Variants in UBE4B observed in about 807,000 individuals in gnomAD.
UBE4B encodes the protein ubiquitination factor E4B, also known as ubiquitin conjugation factor E4 B.
Under a neutral mutation model 148.1 loss-of-function variants are expected in UBE4B, and 27 were observed. The observed-to-expected ratio is 0.18, with a 90% CI of 0.13 to 0.25. UBE4B has a LOEUF of 0.25. Among genes scored for constraint, UBE4B ranks in the 10% least tolerant of loss-of-function variants. The pLI, the probability that UBE4B is intolerant of heterozygous loss-of-function variation, is 1.00. For missense variants in UBE4B, 1,170 were observed against 1,662.4 expected, an observed-to-expected ratio of 0.70 and a Z score of 5.15; for synonymous variants, 596 against 619.3, an observed-to-expected ratio of 0.96 and a Z score of 0.56.
At chr1:10,091,662 G>A (rs1644850297) in intron 2 of UBE4B, among the ~76,000 whole-genome samples, 1 of 152,076 alleles carries the variant, frequency 6.6e-6, no homozygotes, top group Admixed American at 6.6e-5. Context: ...CCGCAGTGCA[G>A]TGGTGCGATC....
At chr1:10,044,528 C>G (rs1457749163) in intron 1 of UBE4B, among the ~76,000 whole-genome samples, 1 of 151,966 alleles carries the variant, frequency 6.6e-6, no homozygotes, top group Non-Finnish European at 1.5e-5. Flanking sequence ...TGTGCTCCTT[C>G]CTTCCTTACC....
In UBE4B at chr1:10,135,692, C is replaced by T. The variant is rs779005065; in HGVS notation, c.2224+506C>T. On this transcript the variant is annotated intron_variant, in intron 16 of 27. Coordinates refer to ENST00000343090, the MANE Select transcript of UBE4B (RefSeq NM_001105562.3). Reference sequence around the variant, plus strand: ...CTGAGCTTGCAGTGAGCCATGATCACGGCACTGCACTCCAGCCTGGGCAAC... The same window carrying T: ...CTGAGCTTGCAGTGAGCCATGATCATGGCACTGCACTCCAGCCTGGGCAAC... Among the ~76,000 whole-genome samples the T allele has an allele frequency of 6.7e-5, 9 of 134,182 alleles. No homozygotes were observed. The South Asian group carries it at 1.2e-3, about 18-fold the overall frequency. The allele number at this position is 134,182 out of a possible 152,430, so 88.0% of individuals were successfully genotyped here. A position where few individuals can be genotyped will look rare whatever the true frequency, so the allele number is the denominator to read the frequency against.
chr1:10,112,597 A>G (rs1325975861), intron 7 of UBE4B, among the ~76,000 whole-genome samples: 1 of 152,064 alleles, frequency 6.6e-6, no homozygotes, highest in Admixed American at 6.5e-5. Context: ...ACAGGATTTT[A>G]TCACATTGGC....
At chr1:10,065,740 A>T (rs934569531) in intron 1 of UBE4B, among the ~76,000 whole-genome samples, 11 of 152,166 alleles carry the variant, frequency 7.2e-5, no homozygotes, top group African/African-American at 2.4e-4. Flanking sequence ...AATGGTTTTC[A>T]TTCTTTTCAT....
intron 3 of UBE4B, among the ~76,000 whole-genome samples, chr1:10,097,031 T>C (rs1212947041): frequency 1.4e-5 from 2 of 144,792 alleles, no homozygotes; most frequent in Non-Finnish European, 3.0e-5. Flanking sequence ...AGAGTAAGAC[T>C]CTGCATCAAA....
At chr1:10,048,373 G>C (rs146001182) in intron 1 of UBE4B, among the ~76,000 whole-genome samples, 10 of 152,262 alleles carry the variant, frequency 6.6e-5, no homozygotes, top group Middle Eastern at 3.4e-3. Flanking sequence ...TGCAGTTCTT[G>C]GGGGAGGTTG....
At chr1:10,094,583 G>A (rs1398233124) in intron 2 of UBE4B, among the ~76,000 whole-genome samples, 11 of 149,956 alleles carry the variant, frequency 7.3e-5, no homozygotes, top group East Asian at 2.0e-4. Context: ...ACAGGCGCCC[G>A]CCACCACGCC....
chr1:10,104,364 T>C (rs2101891723), intron 5 of UBE4B, among the ~76,000 whole-genome samples: 1 of 152,188 alleles, frequency 6.6e-6, no homozygotes, highest in South Asian at 2.1e-4. Flanking sequence ...GTATGGGAGG[T>C]GTGCTGGAGT....
intron 10 of UBE4B, among the ~76,000 whole-genome samples, chr1:10,123,204 A>T (rs1645437492): frequency 6.6e-6 from 1 of 152,080 alleles, no homozygotes; most frequent in South Asian, 2.1e-4. Flanking sequence ...GCTGAGGCGG[A>T]TGGATCGCCT....
chr1:10,135,559 AAACCCCATC>A (rs1645666961), intron 16 of UBE4B, among the ~76,000 whole-genome samples: 2 of 152,172 alleles, frequency 1.3e-5, no homozygotes, highest in African/African-American at 4.8e-5. Context: ...CACCATGGTG[AAACCCCATC>A]TCTACTAAAA....
intron 25 of UBE4B, among the ~76,000 whole-genome samples, chr1:10,175,467 C>A (rs188532332): frequency 2.7e-5 from 4 of 149,812 alleles, no homozygotes; most frequent in African/African-American, 1.0e-4. Flanking sequence ...CTGGCTAACA[C>A]GGTGAAACCC....
chr1:10,174,184 A>G (rs1302285532), intron 25 of UBE4B, among the ~76,000 whole-genome samples: 4 of 151,972 alleles, frequency 2.6e-5, no homozygotes. Context: ...TCATGAGGTC[A>G]GGAGTTCGAG....
chr1:10,153,745 C>G (rs1044894086), intron 21 of UBE4B, among the ~76,000 whole-genome samples: 2 of 151,796 alleles, frequency 1.3e-5, no homozygotes, highest in African/African-American at 2.4e-5. Context: ...GTCAAGAGAT[C>G]GAGATGAGCC....
At chr1:10,052,069 A>ATT (rs1276080376) in intron 1 of UBE4B, among the ~76,000 whole-genome samples, 20 of 142,046 alleles carry the variant, frequency 1.4e-4, no homozygotes, top group East Asian at 1.0e-3. Flanking sequence ...TAATAGTGTC[A>ATT]TTTTTTTTTT....
chr1:10,110,729 A>G lies in UBE4B; in HGVS notation c.1196+4146A>G, dbSNP rs563673770. On this transcript the variant is annotated intron_variant, in intron 7 of 27. Transcript: ENST00000343090. Reference sequence around the variant, plus strand: ...TCAAATCTTGAATGTCACAAGCCTTATATGAGTAGAGAAAGGGAAAATTAG... The same window carrying G: ...TCAAATCTTGAATGTCACAAGCCTTGTATGAGTAGAGAAAGGGAAAATTAG... Among the ~76,000 whole-genome samples, 6 of 152,284 alleles carry G rather than the reference A, an allele frequency of 3.9e-5. 2 individuals are homozygous for G. Among genetic ancestry groups the G allele is most frequent in the African/African-American group, 1.4e-4 (6 of 41,564 alleles).
At chr1:10,125,720 G>A (rs1300589442) in intron 10 of UBE4B, among the ~76,000 whole-genome samples, 1 of 152,188 alleles carries the variant, frequency 6.6e-6, no homozygotes, top group African/African-American at 2.4e-5. Context: ...TGCTTGCATT[G>A]TGAAATTTGA....
At position 10,043,675 on chromosome 1, in the gene UBE4B, G is replaced by A. The variant is rs113452335; in HGVS notation, c.24+9981G>A. ...GAGCTCCTGACCTCGTGATCCACCCGCCTCAGCCTCCCAAAGTGCTGGGAT... is the reference window on the plus strand; with the variant it reads ...GAGCTCCTGACCTCGTGATCCACCCACCTCAGCCTCCCAAAGTGCTGGGAT... On this transcript the variant is annotated intron_variant, in intron 1 of 27. Coordinates refer to ENST00000343090, the MANE Select transcript of UBE4B (RefSeq NM_001105562.3). 6.8e-3 allele frequency among the ~76,000 whole-genome samples: 1,034 copies of A among 152,092 alleles called. 17 individuals are homozygous for A. Among genetic ancestry groups the A allele is most frequent in the African/African-American group, 0.024 (982 of 41,494 alleles).
intron 1 of UBE4B, among the ~76,000 whole-genome samples, chr1:10,052,519 G>C (rs1023599734): frequency 1.3e-5 from 2 of 152,208 alleles, no homozygotes; most frequent in African/African-American, 2.4e-5. Context: ...TCATGTCTGT[G>C]ATCATGGTCT....
At chr1:10,046,554 G>A (rs538971516) in intron 1 of UBE4B, among the ~76,000 whole-genome samples, 22 of 152,226 alleles carry the variant, frequency 1.4e-4, no homozygotes, top group Admixed American at 7.2e-4. Context: ...AGCTGTGAGC[G>A]CTTCCTCCCC....
Sources: gnomAD v4.1 joint callset for allele counts (sites outside exome capture counted in the v4.1 genomes callset) on GRCh38, gnomAD v4.1.1 for gene constraint, MANE v1.5 for transcripts, NCBI Gene and HGNC (gene_info 2026-07-23, HGNC 2026-07-21) for gene names.